IGSF11: variants seen among roughly 807,000 people sequenced by gnomAD.
IGSF11 encodes the protein CXADR like 1.
A neutral mutation model predicts 41.0 loss-of-function variants in IGSF11; 22 were observed. The observed-to-expected ratio is 0.54, with a 90% confidence interval of 0.38 to 0.77. The LOEUF is 0.77. Among genes scored for constraint, IGSF11 ranks in the 30% least tolerant of loss-of-function variants. The probability of loss-of-function intolerance (pLI) is 0.00; values close to 1 mark genes in which losing one functional copy is unlikely to be tolerated. For missense variants in IGSF11, 444 were observed against 530.8 expected (o/e 0.84, Z 1.61); for synonymous variants, 219 against 201.3 (o/e 1.09, Z -0.74).
intron 1 of IGSF11, among the ~76,000 whole-genome samples, chr3:119,135,851 G>A (rs1273598284): frequency 6.6e-6 from 1 of 152,130 alleles, no homozygotes; most frequent in Non-Finnish European, 1.5e-5. Context: ...AAGAAAATGT[G>A]GCACATATAC....
At chr3:118,903,427 T>C (rs1576311842) in intron 6 of IGSF11, among the ~76,000 whole-genome samples, 1 of 152,214 alleles carries the variant, frequency 6.6e-6, no homozygotes, top group East Asian at 1.9e-4. Context: ...AATTAGTCCA[T>C]GAAGAAATCT....
In IGSF11 at chr3:118,926,174, T is replaced by C. The variant is rs766119678; in HGVS notation, c.507A>G (p.Glu169=). 7.4e-6 allele frequency: 12 copies of C among 1,612,312 alleles called. No individual in the cohort carries two copies. In the South Asian group the frequency reaches 1.1e-4, roughly 15 times the overall value. Residue 169 remains glutamate (E), a synonymous_variant, in exon 4 of 7, where the codon GAA becomes GAG. Transcript: ENST00000393775. The part of the protein sequence containing the change: ...SDVILLCSSE[E]GIPRPTYLWE... The stretch of plus-strand genomic sequence containing the variant: ...AAAGGTAAGTTGGTCGAGGAATGCC[T>C]TCCTCTGAGCTACAGAGCAGGATGA...
intron 1 of IGSF11, among the ~76,000 whole-genome samples, chr3:119,117,493 G>A (rs770882359): frequency 6.6e-6 from 1 of 152,098 alleles, no homozygotes; most frequent in Non-Finnish European, 1.5e-5. Flanking sequence ...AACAGCACAG[G>A]AAAGACCTGC....
intron 1 of IGSF11, among the ~76,000 whole-genome samples, chr3:118,992,428 T>C (rs1442210358): frequency 6.6e-6 from 1 of 152,216 alleles, no homozygotes; most frequent in Non-Finnish European, 1.5e-5. Context: ...CTTTAAACAT[T>C]TAGCAAAAAG....
intron 1 of IGSF11, among the ~76,000 whole-genome samples, chr3:118,982,138 G>C (rs140703413): frequency 9.9e-5 from 15 of 152,272 alleles, no homozygotes; most frequent in Non-Finnish European, 1.6e-4. Flanking sequence ...ACCTGGTCAT[G>C]AGTTAGACAC....
intron 1 of IGSF11, among the ~76,000 whole-genome samples, chr3:119,034,214 G>A (rs1025167817): frequency 7.2e-5 from 11 of 152,240 alleles, no homozygotes; most frequent in African/African-American, 2.7e-4. Flanking sequence ...AGTGAGTAAG[G>A]GAGTTCGTTA....
intron 1 of IGSF11, among the ~76,000 whole-genome samples, chr3:119,003,565 T>C (rs1178002687): frequency 6.6e-6 from 1 of 151,184 alleles, no homozygotes; most frequent in Non-Finnish European, 1.5e-5. Context: ...ATGCTTCCAG[T>C]TTTTGCCCAT....
chr3:119,001,398 C>T lies in IGSF11; in HGVS notation c.52+33133G>A, dbSNP rs1260491358. Reference sequence around the variant, plus strand: ...TTCCTGAGCCCAGAACAGAACCTGGCACGCAGTGGTAACTCAAAAGATATT... The same window carrying T: ...TTCCTGAGCCCAGAACAGAACCTGGTACGCAGTGGTAACTCAAAAGATATT... On this transcript the variant is annotated intron_variant, in intron 1 of 6. Coordinates refer to ENST00000393775, the MANE Select transcript of IGSF11 (RefSeq NM_001015887.3). Among the ~76,000 whole-genome samples, 5 of 151,392 alleles carry T rather than the reference C, an allele frequency of 3.3e-5. No individual in the cohort carries two copies. In the South Asian group the frequency reaches 8.3e-4, roughly 25 times the overall value.
chr3:119,083,354 C>T (rs372432271), intron 1 of IGSF11, among the ~76,000 whole-genome samples: 2 of 152,098 alleles, frequency 1.3e-5, no homozygotes, highest in Admixed American at 6.5e-5. Context: ...CCTCCCGCCT[C>T]GGCCTCCCAG....
intron 1 of IGSF11, among the ~76,000 whole-genome samples, chr3:119,120,847 A>G (rs2077323754): frequency 6.6e-6 from 1 of 152,212 alleles, no homozygotes; most frequent in Non-Finnish European, 1.5e-5. Context: ...AGTTTACGTA[A>G]CTATGACTTA....
chr3:119,022,893 T>G (rs760008171), intron 1 of IGSF11, among the ~76,000 whole-genome samples: 4 of 152,136 alleles, frequency 2.6e-5, no homozygotes, highest in African/African-American at 4.8e-5. Context: ...AGAAATGCAT[T>G]CTGATATGCA....
intron 1 of IGSF11, among the ~76,000 whole-genome samples, chr3:119,024,082 A>G (rs1401888483): frequency 6.6e-6 from 1 of 152,224 alleles, no homozygotes; most frequent in Admixed American, 6.5e-5. Flanking sequence ...AATGAGAAAG[A>G]TAACTCCCTA....
chr3:119,107,464 T>C (rs1194915509), upstream of IGSF11, among the ~76,000 whole-genome samples: 1 of 152,164 alleles, frequency 6.6e-6, no homozygotes, highest in East Asian at 1.9e-4. Context: ...TTTGTTTGAG[T>C]TCATTGTAGA....
chr3:119,032,476 C>T (rs1010489417), intron 1 of IGSF11, among the ~76,000 whole-genome samples: 4 of 152,186 alleles, frequency 2.6e-5, no homozygotes, highest in African/African-American at 9.7e-5. Flanking sequence ...CCATGGCCAG[C>T]CGAATAAAGC....
intron 1 of IGSF11, among the ~76,000 whole-genome samples, chr3:118,951,449 A>G (rs561583213): frequency 7.6e-4 from 116 of 152,284 alleles, no homozygotes; most frequent in African/African-American, 2.6e-3. Flanking sequence ...ACACACACAC[A>G]TAAGCATTTG....
At position 118,930,295 on chromosome 3, in the gene IGSF11, G is replaced by A; in HGVS notation, c.53-20C>T. ...CAACACCTACAGAAGAAGGAACAGGGAGGTTATATGCTCGCCCTTTCCCAA... is the reference window on the plus strand; with the variant it reads ...CAACACCTACAGAAGAAGGAACAGGAAGGTTATATGCTCGCCCTTTCCCAA... On this transcript the variant is annotated intron_variant, in intron 1 of 6. Transcript: ENST00000393775. The A allele has an allele frequency of 6.2e-7, 1 of 1,602,218 alleles. No homozygotes were observed. The highest frequency in any genetic ancestry group is 8.5e-7 in the Non-Finnish European group (1 of 1,174,772).
chr3:119,037,014 A>G (rs114043039), upstream of IGSF11, among the ~76,000 whole-genome samples: 667 of 152,344 alleles, frequency 4.4e-3, 1 homozygote, highest in Non-Finnish European at 7.2e-3. Flanking sequence ...CAGGAGTACT[A>G]GAAGCTCCAA....
chr3:119,124,580 TA>T (rs1200045154), intron 1 of IGSF11, among the ~76,000 whole-genome samples: 1 of 151,576 alleles, frequency 6.6e-6, no homozygotes, highest in Non-Finnish European at 1.5e-5. Context: ...AATGAATTAG[TA>T]AGCTTGAAGA....
chr3:119,034,912 G>T, upstream of IGSF11: 1 of 985,176 alleles, frequency 1.0e-6, no homozygotes, highest in Non-Finnish European at 1.3e-6. Context: ...TCCAGCCGCA[G>T]CTCGGCTCCT....
Sources: allele counts gnomAD v4.1 joint callset (sites outside exome capture counted in the v4.1 genomes callset), GRCh38; gene constraint gnomAD v4.1.1; transcripts MANE v1.5; gene names NCBI Gene and HGNC (gene_info 2026-07-23, HGNC 2026-07-21).